Variants in TF observed in about 807,000 individuals in gnomAD.
TF encodes the protein serotransferrin.
TF carries 55 observed loss-of-function variants against 82.4 expected under a neutral mutation model. The observed-to-expected ratio is 0.67, with a 90% CI of 0.54 to 0.84. TF has a LOEUF of 0.84. TF is among the 40% of genes least tolerant of loss of function. The probability of loss-of-function intolerance (pLI) is 0.00; values close to 1 mark genes in which losing one functional copy is unlikely to be tolerated. For synonymous variants in TF, 332 were observed against 332.6 expected (o/e 1.00, Z 0.02); for missense variants, 737 against 868.4 (o/e 0.85, Z 1.90).
chr3:133,689,795 T>C, the TF span, among the ~76,000 whole-genome samples: 1 of 152,224 alleles, frequency 6.6e-6, no homozygotes, highest in Non-Finnish European at 1.5e-5. Flanking sequence ...TGATAGACAT[T>C]AGGGCACGAG....
chr3:133,717,071 T>C, the TF span, among the ~76,000 whole-genome samples: 7 of 152,244 alleles, frequency 4.6e-5, no homozygotes, highest in Admixed American at 1.3e-4. Flanking sequence ...CAATACTTCA[T>C]ATCCCCCTTT....
At chr3:133,676,382 C>T in the TF span, among the ~76,000 whole-genome samples, 1 of 152,150 alleles carries the variant, frequency 6.6e-6, no homozygotes, top group African/African-American at 2.4e-5. Flanking sequence ...TCCTGTTTTG[C>T]GAGGGTGGGC....
rs1934478787 is a variant in TF, at chr3:133,779,839, T to C, written c.*1219T>C. The C allele has an allele frequency of 6.6e-6, 1 of 152,280 alleles. No homozygotes were observed. Among genetic ancestry groups the C allele is most frequent in the African/African-American group, 2.4e-5 (1 of 41,456 alleles). The allele number at this position is 152,280 out of a possible 1,614,324, so 9.4% of individuals were successfully genotyped here. A position where few individuals can be genotyped will look rare whatever the true frequency, so the allele number is the denominator to read the frequency against. On this transcript the variant is annotated 3_prime_UTR_variant, in exon 17 of 17. Coordinates refer to ENST00000402696, the MANE Select transcript of TF (RefSeq NM_001063.4). The stretch of plus-strand genomic sequence containing the variant: ...AGTGATCATCCTGTTCTTCTCTCTC[T>C]TGCTTCCCTAAACCAACTGTTGTTA...
the TF span, among the ~76,000 whole-genome samples, chr3:133,695,985 A>C: frequency 6.6e-6 from 1 of 152,240 alleles, no homozygotes; most frequent in African/African-American, 2.4e-5. Context: ...ACAGCAAGCA[A>C]TGTAACACTT....
the TF span, chr3:133,699,548 C>T: frequency 1.2e-6 from 1 of 815,670 alleles, no homozygotes; most frequent in Non-Finnish European, 1.9e-6. Flanking sequence ...TGGCCTGGGT[C>T]CTTTCTCATA....
the TF span, among the ~76,000 whole-genome samples, chr3:133,731,062 A>T: frequency 1.3e-5 from 2 of 152,218 alleles, no homozygotes; most frequent in African/African-American, 4.8e-5. Context: ...TAGGTCAGAG[A>T]TTTACTTTGG....
the TF span, among the ~76,000 whole-genome samples, chr3:133,733,497 G>A: frequency 6.6e-6 from 1 of 152,196 alleles, no homozygotes; most frequent in Non-Finnish European, 1.5e-5. Context: ...CCCAGAGTGC[G>A]CTGGGCTCCA....
At position 133,788,320 on chromosome 3, in the gene TF, A is replaced by T. The variant is rs1934738415; in HGVS notation, c.*9700A>T. On this transcript the variant is annotated 3_prime_UTR_variant, in exon 17 of 17. Coordinates refer to ENST00000402696, the MANE Select transcript of TF (RefSeq NM_001063.4). ...TTTGTAACTTTATTTCATCCTCTTC[A>T]TTTACATAAGGCATATACCAAGTAA... The T allele has an allele frequency of 6.6e-6, 1 of 152,190 alleles. No individual in the cohort carries two copies. The highest frequency in any genetic ancestry group is 1.5e-5 in the Non-Finnish European group (1 of 68,044). The allele number at this position is 152,190 out of a possible 1,614,324, so 9.4% of individuals were successfully genotyped here.
chr3:133,777,709 T>C (rs12595), intron 16 of TF: 52,380 of 173,654 alleles, frequency 0.3, 8,700 homozygotes, highest in South Asian at 0.41. Flanking sequence ...GCAAAGAGAA[T>C]GTTTGCATCA....
At chr3:133,754,469 C>T (rs780938299) in intron 3 of TF, 26 bp from the exon 4 acceptor site, 84 of 1,613,272 alleles carry the variant, frequency 5.2e-5, no homozygotes, top group Non-Finnish European at 7.0e-5. Context: ...GGCTGAGGGC[C>T]TTCCATTCAC....
chr3:133,709,009 A>G, the TF span, among the ~76,000 whole-genome samples: 1 of 152,158 alleles, frequency 6.6e-6, no homozygotes, highest in Admixed American at 6.5e-5. Flanking sequence ...TAGGAGACCT[A>G]CTACCTGCAA....
rs903496162 is a variant in TF at position 133,770,663 on chromosome 3, AT to A, written c.1687+92del. 37 of 1,304,464 alleles carry A rather than the reference AT, an allele frequency of 2.8e-5. No individual in the cohort carries two copies. In the African/African-American group the frequency reaches 3.2e-4, roughly 11 times the overall value. The allele number at this position is 1,304,464 out of a possible 1,614,324, so 80.8% of individuals were successfully genotyped here. A position where few individuals can be genotyped will look rare whatever the true frequency, so the allele number is the denominator to read the frequency against. On this transcript the variant is annotated intron_variant, in intron 14 of 16. Coordinates refer to ENST00000402696, the MANE Select transcript of TF (RefSeq NM_001063.4). ...TCAGGGATGCCTTTGTGGAAGTATT[AT>A]GTACACTGTCAGACTTCAAAGCTCT...
chr3:133,775,232 C>A (rs1189277749), intron 14 of TF: 3 of 630,010 alleles, frequency 4.8e-6, no homozygotes, highest in Non-Finnish European at 8.5e-6. Context: ...GGTCAATAAT[C>A]ATTCCTGGTC....
chr3:133,665,954 AG>A, the TF span, among the ~76,000 whole-genome samples: 6 of 150,678 alleles, frequency 4.0e-5, no homozygotes, highest in Non-Finnish European at 5.9e-5. Flanking sequence ...AAAAAAAAAA[AG>A]AACGGGAAAG....
At chr3:133,729,863 C>T in the TF span, among the ~76,000 whole-genome samples, 1 of 152,080 alleles carries the variant, frequency 6.6e-6, no homozygotes, top group East Asian at 1.9e-4. Flanking sequence ...TCATTCAGAT[C>T]ATGGATTGTT....
the TF span, among the ~76,000 whole-genome samples, chr3:133,692,046 G>A: frequency 1.3e-5 from 2 of 152,324 alleles, no homozygotes; most frequent in Admixed American, 6.5e-5. Context: ...TAGAAACTCC[G>A]CTGGTGCTGC....
chr3:133,711,853 T>C, the TF span, among the ~76,000 whole-genome samples: 1 of 151,978 alleles, frequency 6.6e-6, no homozygotes, highest in Non-Finnish European at 1.5e-5. Context: ...TGCCCCCCAC[T>C]GCACTCACCG....
chr3:133,757,931 C>A lies in TF; in HGVS notation c.1033C>A (p.Leu345Ile). ...TGAGTATGTCACTGCCATCCGGAATCTACGGGAAGGCACATGTGAGTACCT... is the reference window on the plus strand; with the variant it reads ...TGAGTATGTCACTGCCATCCGGAATATACGGGAAGGCACATGTGAGTACCT... ...GYEYVTAIRN[L>I]REGTCPEAPT... Residue 345 changes from leucine to isoleucine, a missense_variant, in exon 8 of 17, where the codon CTA becomes ATA. Physicochemically the swap from Leu to Ile is conservative, Grantham distance 5. Coordinates refer to ENST00000402696, the MANE Select transcript of TF (RefSeq NM_001063.4). The A allele has an allele frequency of 6.2e-7, 1 of 1,614,184 alleles. No individual in the cohort carries two copies. The highest frequency in any genetic ancestry group is 8.5e-7 in the Non-Finnish European group (1 of 1,180,020).
chr3:133,677,786 C>T, the TF span, among the ~76,000 whole-genome samples: 21 of 151,942 alleles, frequency 1.4e-4, no homozygotes, highest in Non-Finnish European at 1.5e-4. Flanking sequence ...TAGGCTCAAG[C>T]GATCCTCCTA....
Sources: gnomAD v4.1 joint callset for allele counts (sites outside exome capture counted in the v4.1 genomes callset) on GRCh38, gnomAD v4.1.1 for gene constraint, MANE v1.5 for transcripts, NCBI Gene and HGNC (gene_info 2026-07-23, HGNC 2026-07-21) for gene names.